Variants in PARVA observed in about 807,000 individuals in gnomAD.
PARVA encodes parvin alpha.
In PARVA, 25 loss-of-function variants were observed where a neutral mutation model predicts 52.6. The ratio of observed to expected loss-of-function variants is 0.48; its 90% CI spans 0.35 to 0.66. PARVA has a LOEUF of 0.66. Ranked by LOEUF, PARVA falls within the 30% of genes least tolerant of loss-of-function variation. The pLI is 0.01. For synonymous variants in PARVA, 185 were observed against 179.1 expected, an observed-to-expected ratio of 1.03 and a Z score of -0.26; for missense variants, 373 against 450.9, an observed-to-expected ratio of 0.83 and a Z score of 1.56.
At chr11:12,480,903 T>A (rs1295844659) in intron 4 of PARVA, 1 of 152,128 alleles carries the variant, frequency 6.6e-6, no homozygotes, top group African/African-American at 2.4e-5. Context: ...TTGTTTTCTT[T>A]TTTTAACGAC....
In PARVA at chr11:12,533,996, G is replaced by A. The variant is rs1464569517; in HGVS notation, c.*6071G>A. ...ATCCTGGCTAATATGGTGAAACCCC[G>A]TCTGTACTAAAAATACAAAAAATTA... On this transcript the variant is annotated 3_prime_UTR_variant, in exon 13 of 13. Coordinates refer to ENST00000334956, the MANE Select transcript of PARVA (RefSeq NM_018222.5). 5.3e-5 allele frequency among the ~76,000 whole-genome samples: 8 copies of A among 152,018 alleles called. No individual in the cohort carries two copies. The highest frequency in any genetic ancestry group is 8.8e-5 in the Non-Finnish European group (6 of 68,000).
chr11:12,420,153 T>C (rs925642580), intron 1 of PARVA, among the ~76,000 whole-genome samples: 1 of 152,110 alleles, frequency 6.6e-6, no homozygotes, highest in Non-Finnish European at 1.5e-5. Flanking sequence ...ATGAAGACTT[T>C]AGGAGAAAAA....
intron 1 of PARVA, among the ~76,000 whole-genome samples, chr11:12,380,032 TG>T (rs1217906008): frequency 6.6e-6 from 1 of 152,184 alleles, no homozygotes; most frequent in Non-Finnish European, 1.5e-5. Context: ...AGAATGAGTC[TG>T]GGGTGGCCTT....
intron 1 of PARVA, among the ~76,000 whole-genome samples, chr11:12,420,540 A>C (rs747453919): frequency 6.6e-6 from 1 of 152,204 alleles, no homozygotes; most frequent in African/African-American, 2.4e-5. Context: ...ACCTAAAAGC[A>C]CTGAGGATGT....
Position 12,518,508 on chromosome 11 carries a change from C to T in PARVA, c.1033C>T (p.Arg345Trp), listed in dbSNP as rs980427435. 6.2e-6 allele frequency: 10 copies of T among 1,612,612 alleles called. No individual in the cohort carries two copies. The highest frequency in any genetic ancestry group is 1.7e-5 in the Admixed American group (1 of 59,928). ...TGGAGGGTTGGAAAAGCCAAAACCGCGGCCAGAAGGTACTTTGCTCTTTCC... is the reference window on the plus strand; with the variant it reads ...TGGAGGGTTGGAAAAGCCAAAACCGTGGCCAGAAGGTACTTTGCTCTTTCC... Reference protein sequence around the residue: ...QDGGLEKPKPRPEDIVNCDLK... With the variant: ...QDGGLEKPKPWPEDIVNCDLK... The change falls in exon 12 of 13, where the codon CGG becomes TGG. Residue 345 changes from arginine to tryptophan, a missense_variant. Coordinates refer to ENST00000334956, the MANE Select transcript of PARVA (RefSeq NM_018222.5).
At chr11:12,514,524 G>A (rs1427042459) in intron 10 of PARVA, among the ~76,000 whole-genome samples, 3 of 152,174 alleles carry the variant, frequency 2.0e-5, no homozygotes, top group African/African-American at 7.2e-5. Context: ...TTTCACTCTT[G>A]TTGCCCAGGC....
chr11:12,477,340 CCGCCT>C (rs1251973859), intron 3 of PARVA: 1 of 154,752 alleles, frequency 6.5e-6, no homozygotes, highest in Non-Finnish European at 1.4e-5. Context: ...AGTGATCTGC[CCGCCT>C]CGACCTCCCA....
intron 1 of PARVA, among the ~76,000 whole-genome samples, chr11:12,470,800 A>C (rs938575656): frequency 6.6e-5 from 10 of 152,184 alleles, no homozygotes; most frequent in African/African-American, 2.4e-4. Context: ...AGAAAGCTTG[A>C]AGTGGGAGAA....
chr11:12,376,857 C>A, upstream of PARVA: 2 of 420,740 alleles, frequency 4.8e-6, no homozygotes, highest in Non-Finnish European at 6.4e-6. Context: ...TTTATTTAGG[C>A]AGGATAAATT....
In PARVA at chr11:12,533,853, C is replaced by G. The variant is rs1489998117; in HGVS notation, c.*5928C>G. On this transcript the variant is annotated 3_prime_UTR_variant, in exon 13 of 13. Transcript: ENST00000334956. ...GAGGAGTAGGGGTTGGTCTTGCTGT[C>G]TGAGGGGTGGCAGAGGCAGAAAAAA... 1.3e-5 allele frequency among the ~76,000 whole-genome samples: 2 copies of G among 148,870 alleles called. No individual in the cohort carries two copies. The highest frequency in any genetic ancestry group is 5.0e-5 in the African/African-American group (2 of 39,916).
At chr11:12,418,787 G>T (rs752714803) in intron 1 of PARVA, among the ~76,000 whole-genome samples, 1 of 152,314 alleles carries the variant, frequency 6.6e-6, no homozygotes, top group Middle Eastern at 3.4e-3. Context: ...AAGACTAAAT[G>T]CCACAACATA....
At chr11:12,506,935 T>A (rs1301295822) in intron 6 of PARVA, among the ~76,000 whole-genome samples, 1 of 152,222 alleles carries the variant, frequency 6.6e-6, no homozygotes, top group African/African-American at 2.4e-5. Context: ...TTTACGTCTA[T>A]GAATGGCCAT....
In PARVA at chr11:12,522,925, CATAAGTGTCAGCACAGTGGTT is replaced by C. The variant is rs1364681918; in HGVS notation, c.1042+4412_1042+4432del. Among the ~76,000 whole-genome samples the C allele has an allele frequency of 7.4e-4, 113 of 152,038 alleles. 2 individuals are homozygous for C. The highest frequency in any genetic ancestry group is 4.4e-5 in the Non-Finnish European group (3 of 68,040). On this transcript the variant is annotated intron_variant, in intron 12 of 12. Transcript: ENST00000334956. ...CTGGTAAGAAAAGCAAGGAAGTAAT[CATAAGTGTCAGCACAGTGGTT>C]ATATTTGGGGAATGAGAGAGGGAAT...
intron 1 of PARVA, among the ~76,000 whole-genome samples, chr11:12,460,890 T>C (rs76770737): frequency 0.033 from 5,046 of 152,276 alleles, 311 homozygotes; most frequent in African/African-American, 0.11. Context: ...TGCTTAGGGT[T>C]CTGCTGACAG....
intron 4 of PARVA, among the ~76,000 whole-genome samples, chr11:12,495,601 A>C (rs1941288821): frequency 6.8e-6 from 1 of 146,854 alleles, no homozygotes; most frequent in Non-Finnish European, 1.5e-5. Context: ...GATTAACAAA[A>C]TGATTAGACT....
intron 1 of PARVA, among the ~76,000 whole-genome samples, chr11:12,405,694 C>T (rs1171651889): frequency 6.6e-6 from 1 of 152,186 alleles, no homozygotes; most frequent in African/African-American, 2.4e-5. Flanking sequence ...CAGTGGCTCA[C>T]CCCTGTAATC....
chr11:12,478,108 A>G (rs1941040243), intron 4 of PARVA, 159 bp downstream of exon 4: 1 of 707,086 alleles, frequency 1.4e-6, no homozygotes, highest in Admixed American at 2.0e-5. Context: ...AAGGCTTTAG[A>G]TGTCCTCTTG....
intron 10 of PARVA, among the ~76,000 whole-genome samples, chr11:12,516,506 C>G (rs1489466501): frequency 6.6e-6 from 1 of 152,148 alleles, no homozygotes; most frequent in African/African-American, 2.4e-5. Flanking sequence ...AGAAGACCAG[C>G]AGCCTCCGCA....
At position 12,504,643 on chromosome 11, in the gene PARVA, T is replaced by C. The variant is rs923557547; in HGVS notation, c.657+214T>C. On this transcript the variant is annotated intron_variant, in intron 6 of 12. Coordinates refer to ENST00000334956, the MANE Select transcript of PARVA (RefSeq NM_018222.5). ...AGATGGAAGAGCGTGTGCTTGTGTA[T>C]AGATAGCTTTGTGTGGGGTATGTGC... Among the ~76,000 whole-genome samples, 9 of 152,118 alleles carry C rather than the reference T, an allele frequency of 5.9e-5. No homozygotes were observed. In the South Asian group the frequency reaches 1.0e-3, roughly 18 times the overall value.
Sources: allele counts gnomAD v4.1 joint callset (sites outside exome capture counted in the v4.1 genomes callset), GRCh38; gene constraint gnomAD v4.1.1; transcripts MANE v1.5; gene names NCBI Gene and HGNC (gene_info 2026-07-23, HGNC 2026-07-21).